SKAP1: variants seen among roughly 807,000 people sequenced by gnomAD.
SKAP1 encodes src kinase-associated phosphoprotein 1.
In SKAP1, 44 loss-of-function variants were observed where a neutral mutation model predicts 58.5. That is an observed-to-expected ratio of 0.75 (90% CI 0.59 to 0.97). The LOEUF is 0.97. SKAP1 is among the 50% of genes least tolerant of loss of function. The probability of loss-of-function intolerance (pLI) is 0.00; values close to 1 mark genes in which losing one functional copy is unlikely to be tolerated. For missense variants in SKAP1, 390 were observed against 435.2 expected (o/e 0.90, Z 0.92); for synonymous variants, 127 against 149.7 (o/e 0.85, Z 1.11).
At chr17:48,207,092 TA>T (rs1395074190) in intron 4 of SKAP1, among the ~76,000 whole-genome samples, 1 of 152,176 alleles carries the variant, frequency 6.6e-6, no homozygotes, top group Non-Finnish European at 1.5e-5. Context: ...AGTGGCTGAT[TA>T]CACAAAATTC....
intron 2 of SKAP1, among the ~76,000 whole-genome samples, chr17:48,379,146 T>G (rs897164994): frequency 1.3e-5 from 2 of 152,104 alleles, no homozygotes; most frequent in Non-Finnish European, 2.9e-5. Context: ...AAGAATTTTT[T>G]CCCCCAAAGC....
chr17:48,207,249 C>T (rs1038591514), intron 4 of SKAP1, among the ~76,000 whole-genome samples: 3 of 151,898 alleles, frequency 2.0e-5, no homozygotes, highest in Non-Finnish European at 4.4e-5. Flanking sequence ...CTTTGGAGGC[C>T]GAGGCAGGCA....
intron 4 of SKAP1, among the ~76,000 whole-genome samples, chr17:48,340,352 A>G (rs554200585): frequency 6.6e-6 from 1 of 152,292 alleles, no homozygotes; most frequent in East Asian, 1.9e-4. Flanking sequence ...GACCCTGAAA[A>G]CAAAACAAAC....
At chr17:48,432,258 G>A (rs1483806280), upstream of SKAP1, among the ~76,000 whole-genome samples, 1 of 152,052 alleles carries the variant, frequency 6.6e-6, no homozygotes, top group African/African-American at 2.4e-5. Flanking sequence ...GTGAAACCCC[G>A]TCTCTACTAA....
At chr17:48,157,738 A>G (rs2063999183) in intron 11 of SKAP1, among the ~76,000 whole-genome samples, 2 of 151,508 alleles carry the variant, frequency 1.3e-5, no homozygotes, top group African/African-American at 4.8e-5. Flanking sequence ...CATGTTGGCC[A>G]GGCTGGTCTC....
At chr17:48,439,921 C>T in the SKAP1 span, among the ~76,000 whole-genome samples, 1 of 152,156 alleles carries the variant, frequency 6.6e-6, no homozygotes, top group African/African-American at 2.4e-5. Flanking sequence ...ACCCTATAGC[C>T]TGACTCCCTA....
upstream of SKAP1, among the ~76,000 whole-genome samples, chr17:48,435,064 T>C (rs1221535813): frequency 1.3e-5 from 2 of 152,296 alleles, no homozygotes; most frequent in East Asian, 3.9e-4. Flanking sequence ...GGCAGGAGGA[T>C]TGTTTGAGCC....
chr17:48,178,651 T>A (rs2064324145), intron 9 of SKAP1, among the ~76,000 whole-genome samples: 2 of 152,190 alleles, frequency 1.3e-5, no homozygotes, highest in South Asian at 4.1e-4. Context: ...AACAATCCTA[T>A]CGAATTCTGC....
intron 1 of SKAP1, among the ~76,000 whole-genome samples, chr17:48,398,242 G>T (rs1286701117): frequency 1.3e-5 from 2 of 152,154 alleles, no homozygotes; most frequent in East Asian, 1.9e-4. Context: ...GCTCCTGTCA[G>T]ATCAGTGGCA....
chr17:48,351,452 A>G (rs1386589320), intron 3 of SKAP1, among the ~76,000 whole-genome samples: 3 of 151,262 alleles, frequency 2.0e-5, no homozygotes, highest in Admixed American at 1.3e-4. Context: ...CCTTTACTAC[A>G]CCTATCTATA....
At chr17:48,231,459 C>A (rs547284574) in intron 4 of SKAP1, among the ~76,000 whole-genome samples, 50 of 152,098 alleles carry the variant, frequency 3.3e-4, no homozygotes, top group African/African-American at 1.2e-3. Context: ...AACTTAACAA[C>A]TGGCATAGTT....
intron 4 of SKAP1, among the ~76,000 whole-genome samples, chr17:48,191,216 G>A (rs996631832): frequency 2.6e-5 from 4 of 151,614 alleles, no homozygotes; most frequent in African/African-American, 9.7e-5. Context: ...TGGAGACAAA[G>A]AAGGAATTTA....
intron 4 of SKAP1, among the ~76,000 whole-genome samples, chr17:48,242,592 T>A (rs933594472): frequency 6.6e-6 from 1 of 152,054 alleles, no homozygotes; most frequent in African/African-American, 2.4e-5. Context: ...ATTTTTTATT[T>A]CCCACCTTGA....
chr17:48,358,323 ACTTCT>A (rs1396868726), intron 3 of SKAP1, among the ~76,000 whole-genome samples: 3 of 152,288 alleles, frequency 2.0e-5, no homozygotes, highest in East Asian at 1.9e-4. Flanking sequence ...ATTCAAAAAC[ACTTCT>A]CTTCAACTTC....
At chr17:48,432,343 C>A (rs189354358), upstream of SKAP1, among the ~76,000 whole-genome samples, 14 of 152,084 alleles carry the variant, frequency 9.2e-5, no homozygotes, top group East Asian at 2.7e-3. Context: ...GCAGGAGAAT[C>A]ACATGAACCC....
intron 4 of SKAP1, among the ~76,000 whole-genome samples, chr17:48,221,112 T>C (rs1442806105): frequency 6.6e-6 from 1 of 151,392 alleles, no homozygotes; most frequent in Non-Finnish European, 1.5e-5. Flanking sequence ...ACTAAAAATA[T>C]AAAAATTAGC....
chr17:48,428,509 G>C (rs2067877073), intron 1 of SKAP1, among the ~76,000 whole-genome samples: 1 of 152,146 alleles, frequency 6.6e-6, no homozygotes, highest in African/African-American at 2.4e-5. Flanking sequence ...GAACAATGAA[G>C]AACTGCACAT....
chr17:48,277,234 G>A (rs1050084528), intron 4 of SKAP1, among the ~76,000 whole-genome samples: 1 of 152,172 alleles, frequency 6.6e-6, no homozygotes, highest in African/African-American at 2.4e-5. Context: ...AAAAGAAAGT[G>A]TTATTTATAG....
chr17:48,312,171 A>G (rs2066231785), intron 4 of SKAP1, among the ~76,000 whole-genome samples: 1 of 152,224 alleles, frequency 6.6e-6, no homozygotes, highest in Admixed American at 6.5e-5. Flanking sequence ...CAAACACACA[A>G]ACTACTGTAG....
Sources: gnomAD v4.1 joint callset for allele counts (sites outside exome capture counted in the v4.1 genomes callset) on GRCh38, gnomAD v4.1.1 for gene constraint, MANE v1.5 for transcripts, NCBI Gene and HGNC (gene_info 2026-07-23, HGNC 2026-07-21) for gene names.